The following AIDA variants were observed in gnomAD, a reference collection of about 807,000 sequenced individuals.
AIDA encodes axin interactor, dorsalization-associated protein.
A neutral mutation model predicts 42.7 loss-of-function variants in AIDA; 18 were observed. The ratio of observed to expected loss-of-function variants is 0.42; its 90% CI spans 0.29 to 0.63. The LOEUF (loss-of-function observed/expected upper bound fraction) is 0.63. Ranked by LOEUF, AIDA falls within the 20% of genes least tolerant of loss-of-function variation. AIDA has a pLI of 0.19. For synonymous variants in AIDA, 104 were observed against 122.9 expected (o/e 0.85, Z 1.02); for missense variants, 250 against 354.1 (o/e 0.71, Z 2.36).
At chr1:222,695,384 G>A (rs1361007410) in intron 2 of AIDA, among the ~76,000 whole-genome samples, 1 of 152,132 alleles carries the variant, frequency 6.6e-6, no homozygotes, top group Non-Finnish European at 1.5e-5. Flanking sequence ...CCCAGCTACT[G>A]GGAAGGCTGA....
intron 6 of AIDA, among the ~76,000 whole-genome samples, chr1:222,678,965 G>C (rs1283984314): frequency 1.3e-5 from 2 of 152,126 alleles, no homozygotes; most frequent in Admixed American, 1.3e-4. Flanking sequence ...CTGAAAGACG[G>C]GATGAGTAAC....
At chr1:222,698,891 T>A (rs773877933) in intron 2 of AIDA, among the ~76,000 whole-genome samples, 4 of 152,076 alleles carry the variant, frequency 2.6e-5, no homozygotes, top group Non-Finnish European at 5.9e-5. Flanking sequence ...AGTGGCAGGA[T>A]CTTGGTTCAC....
At chr1:222,680,479 T>C (rs1026706449) in intron 6 of AIDA, among the ~76,000 whole-genome samples, 16 of 152,220 alleles carry the variant, frequency 1.1e-4, no homozygotes, top group Non-Finnish European at 2.1e-4. Context: ...AGCCTAAGCA[T>C]AGAGACAATT....
At chr1:222,690,111 T>C (rs1159960217) in intron 4 of AIDA, among the ~76,000 whole-genome samples, 1 of 152,196 alleles carries the variant, frequency 6.6e-6, no homozygotes, top group African/African-American at 2.4e-5. Context: ...CCATCTAGGT[T>C]TGTGTAAGTG....
chr1:222,699,333 A>C (rs1030614944), intron 2 of AIDA, among the ~76,000 whole-genome samples: 1 of 152,238 alleles, frequency 6.6e-6, no homozygotes, highest in Non-Finnish European at 1.5e-5. Flanking sequence ...TGAAGAAAAC[A>C]CAATTGAGTT....
intron 4 of AIDA, among the ~76,000 whole-genome samples, chr1:222,692,821 G>T (rs1655406009): frequency 2.0e-5 from 3 of 152,184 alleles, no homozygotes. Context: ...AGATATGTTT[G>T]AGTAAGAAGT....
chr1:222,702,946 G>A (rs1047973868), intron 2 of AIDA, among the ~76,000 whole-genome samples: 2 of 152,202 alleles, frequency 1.3e-5, no homozygotes, highest in African/African-American at 2.4e-5. Context: ...TACAACAATT[G>A]TATTGCTTTA....
intron 6 of AIDA, among the ~76,000 whole-genome samples, chr1:222,685,573 C>T (rs944785466): frequency 6.6e-6 from 1 of 152,152 alleles, no homozygotes; most frequent in African/African-American, 2.4e-5. Flanking sequence ...AAATGCATCA[C>T]AATATTATAG....
intron 6 of AIDA, among the ~76,000 whole-genome samples, chr1:222,683,085 A>G (rs1664681256): frequency 6.6e-6 from 1 of 152,224 alleles, no homozygotes; most frequent in Non-Finnish European, 1.5e-5. Context: ...CTTTGAAATT[A>G]TAAGTTTGTT....
At chr1:222,676,912 A>C (rs1664553345) in intron 6 of AIDA, among the ~76,000 whole-genome samples, 1 of 149,050 alleles carries the variant, frequency 6.7e-6, no homozygotes, top group African/African-American at 2.5e-5. Context: ...TGAACACTGA[A>C]GCAAAAAAAC....
At chr1:222,683,919 C>CT (rs1052738406) in intron 6 of AIDA, among the ~76,000 whole-genome samples, 10 of 151,588 alleles carry the variant, frequency 6.6e-5, no homozygotes, top group South Asian at 2.1e-4. Flanking sequence ...GCTTGACTAC[C>CT]TTTTTTTTAT....
chr1:222,712,295 A>G lies in AIDA; in HGVS notation c.23T>C (p.Leu8Pro). The G allele has an allele frequency of 1.9e-6, 3 of 1,573,166 alleles. No homozygotes were observed. Among genetic ancestry groups the G allele is most frequent in the Non-Finnish European group, 1.7e-6 (2 of 1,159,248 alleles). Residue 8 changes from leucine to proline, a missense_variant, in exon 1 of 10, where the codon CTG (leucine) becomes CCG (proline). Transcript: ENST00000340020. ...AAAACTGGCGCCCCAGCGCTGCAGCAGACTCCGGGTCACCTCCGACATGGC... is the reference window on the plus strand; with the variant it reads ...AAAACTGGCGCCCCAGCGCTGCAGCGGACTCCGGGTCACCTCCGACATGGC... MSEVTRS[L>P]LQRWGASFRR...
chr1:222,672,032 A>C (rs1331640047), intron 8 of AIDA, among the ~76,000 whole-genome samples: 3 of 152,224 alleles, frequency 2.0e-5, no homozygotes, highest in Admixed American at 6.5e-5. Flanking sequence ...TTTTATAAGA[A>C]AGAACAAAAT....
At chr1:222,670,876 T>C (rs1207558364) in intron 8 of AIDA, among the ~76,000 whole-genome samples, 1 of 152,138 alleles carries the variant, frequency 6.6e-6, no homozygotes, top group Non-Finnish European at 1.5e-5. Context: ...AAAGAGCAAA[T>C]CTATTTATTC....
intron 6 of AIDA, among the ~76,000 whole-genome samples, chr1:222,679,546 T>C (rs1484043887): frequency 1.3e-5 from 2 of 152,222 alleles, no homozygotes; most frequent in African/African-American, 4.8e-5. Flanking sequence ...ATCCTTTACA[T>C]GTACTAACTC....
chr1:222,687,031 A>G lies in AIDA; in HGVS notation c.359T>C (p.Ile120Thr), dbSNP rs757028147. ...FDVQPVPLRR[I>T]LAPGEEENLE... ...ATTCTCTTCTTCACCAGGTGCCAAAATTCTTCTACACAAAAAAAGGGCAGA... is the reference window on the plus strand; with the variant it reads ...ATTCTCTTCTTCACCAGGTGCCAAAGTTCTTCTACACAAAAAAAGGGCAGA... Residue 120 changes from isoleucine (I) to threonine (T), a missense_variant, in exon 6 of 10, where the codon ATT becomes ACT. By Grantham distance (89) the Ile-to-Thr change is moderately conservative. This residue lies in a region of AIDA where 199 missense variants were observed against 232.6 expected (regional missense o/e 0.86). Coordinates refer to ENST00000340020, the MANE Select transcript of AIDA (RefSeq NM_022831.4). 2 of 1,613,154 alleles carry G rather than the reference A, an allele frequency of 1.2e-6. No homozygotes were observed. Among genetic ancestry groups the G allele is most frequent in the South Asian group, 2.2e-5 (2 of 90,838 alleles).
intron 1 of AIDA, among the ~76,000 whole-genome samples, chr1:222,710,232 G>A (rs772743745): frequency 2.6e-5 from 4 of 152,186 alleles, no homozygotes; most frequent in African/African-American, 4.8e-5. Flanking sequence ...TAGCCTACAT[G>A]TTTACAGAAT....
intron 1 of AIDA, among the ~76,000 whole-genome samples, chr1:222,708,247 G>A (rs2124971544): frequency 6.6e-6 from 1 of 151,842 alleles, no homozygotes; most frequent in South Asian, 2.1e-4. Context: ...GGAAGTGGAG[G>A]TTGCAGTGAG....
chr1:222,676,982 A>G (rs1470364539), intron 6 of AIDA, among the ~76,000 whole-genome samples: 2 of 151,964 alleles, frequency 1.3e-5, no homozygotes, highest in East Asian at 3.8e-4. Flanking sequence ...AGTTTAGATC[A>G]ATTTTAGAAA....
Sources: gnomAD v4.1 joint callset for allele counts (sites outside exome capture counted in the v4.1 genomes callset) on GRCh38, gnomAD v4.1.1 for gene constraint, gnomAD v4.1.1 regional missense constraint, MANE v1.5 for transcripts, NCBI Gene and HGNC (gene_info 2026-07-23, HGNC 2026-07-21) for gene names.